Variants in C12orf56 observed in about 807,000 individuals in gnomAD.
The protein encoded by C12orf56 is chromosome 12 open reading frame 56, also known as uncharacterized protein C12orf56.
A neutral mutation model predicts 69.9 loss-of-function variants in C12orf56; 71 were observed. The observed-to-expected ratio is 1.02, with a 90% CI of 0.84 to 1.24. C12orf56 has a LOEUF of 1.24. Among genes scored for constraint, C12orf56 ranks in the 50% most tolerant of loss-of-function variants. The probability of loss-of-function intolerance (pLI) is 0.00; values close to 1 mark genes in which losing one functional copy is unlikely to be tolerated. For missense variants in C12orf56, 732 were observed against 738.5 expected, an observed-to-expected ratio of 0.99 and a Z score of 0.10; for synonymous variants, 276 against 274.1, an observed-to-expected ratio of 1.01 and a Z score of -0.07.
Position 64,340,882 on chromosome 12 carries a change from G to T in C12orf56, c.416-9850C>A, listed in dbSNP as rs1442271006. On this transcript the variant is annotated intron_variant, in intron 2 of 12. Coordinates refer to ENST00000543942, the MANE Select transcript of C12orf56 (RefSeq NM_001170633.2). ...TGACCCAAACCTTCATTCATGAAGG[G>T]TCTGGGTCATTTGTAGTCCTGCCTG... 3.3e-5 allele frequency among the ~76,000 whole-genome samples: 5 copies of T among 152,124 alleles called. No individual in the cohort carries two copies. In the East Asian group the frequency reaches 7.7e-4, roughly 23 times the overall value.
chr12:64,316,919 T>C (rs924629715), intron 4 of C12orf56, among the ~76,000 whole-genome samples: 1 of 152,232 alleles, frequency 6.6e-6, no homozygotes, highest in Admixed American at 6.5e-5. Flanking sequence ...ATCTGAATGC[T>C]CCAACCATGC....
chr12:64,316,487 C>T (rs928582798), intron 4 of C12orf56, among the ~76,000 whole-genome samples: 4 of 152,160 alleles, frequency 2.6e-5, no homozygotes, highest in Non-Finnish European at 4.4e-5. Flanking sequence ...TGGGCTCAAA[C>T]GATCCTGCTG....
intron 4 of C12orf56, among the ~76,000 whole-genome samples, chr12:64,313,686 A>G (rs1340548279): frequency 1.3e-5 from 2 of 151,660 alleles, no homozygotes. Context: ...TATCGCATAT[A>G]TTAATCTGGA....
intron 2 of C12orf56, among the ~76,000 whole-genome samples, chr12:64,350,430 T>G (rs2039207345): frequency 6.6e-6 from 1 of 152,240 alleles, no homozygotes; most frequent in Non-Finnish European, 1.5e-5. Flanking sequence ...AAATCTATTT[T>G]CTTTGCAATA....
chr12:64,276,537 C>G (rs2038053137), intron 9 of C12orf56, among the ~76,000 whole-genome samples: 1 of 152,098 alleles, frequency 6.6e-6, no homozygotes, highest in Admixed American at 6.6e-5. Flanking sequence ...TGGAGACTCT[C>G]TATATACAGT....
At chr12:64,324,045 A>C (rs560464516) in intron 3 of C12orf56, among the ~76,000 whole-genome samples, 2 of 152,228 alleles carry the variant, frequency 1.3e-5, no homozygotes, top group East Asian at 1.9e-4. Context: ...GCAGAAGCTC[A>C]TAAGTCACAT....
chr12:64,303,706 T>A lies in C12orf56; in HGVS notation c.1042A>T (p.Ile348Leu). The change falls in exon 6 of 13, where the codon ATA becomes TTA. Residue 348 changes from isoleucine to leucine, a missense_variant. Ile to Leu is a conservative substitution (Grantham distance 5, BLOSUM62 2). Transcript: ENST00000543942. ...TTAAGTTCCATAAGTAAAGAAAGTA[T>A]CCTCCTCAAAGAATTGTCTTTAAGA... ...LFLKDNSLRR[I>L]LSLLMELKVA... The A allele has an allele frequency of 4.4e-6, 7 of 1,580,114 alleles. No individual in the cohort carries two copies. Among genetic ancestry groups the A allele is most frequent in the Non-Finnish European group, 6.0e-6 (7 of 1,162,800 alleles).
chr12:64,326,749 A>G (rs1285139186), intron 3 of C12orf56, among the ~76,000 whole-genome samples: 1 of 151,756 alleles, frequency 6.6e-6, no homozygotes, highest in Non-Finnish European at 1.5e-5. Context: ...CAAAAAAAAA[A>G]AAAGAAAGAA....
chr12:64,377,372 A>G (rs2039656518), intron 1 of C12orf56, among the ~76,000 whole-genome samples: 1 of 151,836 alleles, frequency 6.6e-6, no homozygotes, highest in Admixed American at 6.6e-5. Flanking sequence ...TATTTTTAGT[A>G]GAGGCGGGGT....
At chr12:64,295,280 G>C (rs974567800) in intron 6 of C12orf56, among the ~76,000 whole-genome samples, 1 of 152,192 alleles carries the variant, frequency 6.6e-6, no homozygotes, top group Non-Finnish European at 1.5e-5. Context: ...CTATGTGGCA[G>C]GTATGCTAGA....
intron 4 of C12orf56, among the ~76,000 whole-genome samples, chr12:64,317,777 G>T (rs146517095): frequency 1.2e-4 from 18 of 151,772 alleles, no homozygotes; most frequent in African/African-American, 2.4e-4. Flanking sequence ...AAAAAAAAAA[G>T]ATTGCATTTC....
rs2038776732 is a variant in C12orf56 at position 64,321,771 on chromosome 12, A to C, written c.489-2791T>G. On this transcript the variant is annotated intron_variant, in intron 3 of 12. Transcript: ENST00000543942. ...AGTCTGCTTTAGCTCAGTTGCATGC[A>C]CTTTGGTATGTATTGGCATTAAGTT... Among the ~76,000 whole-genome samples the C allele has an allele frequency of 3.9e-5, 6 of 152,074 alleles. No homozygotes were observed. The South Asian group carries it at 1.2e-3, about 32-fold the overall frequency.
At chr12:64,285,076 C>A (rs2038181447) in intron 7 of C12orf56, among the ~76,000 whole-genome samples, 2 of 151,828 alleles carry the variant, frequency 1.3e-5, no homozygotes, top group South Asian at 4.1e-4. Flanking sequence ...CATGGCAAAA[C>A]CCCATCTTTA....
At position 64,318,695 on chromosome 12, in the gene C12orf56, A is replaced by C; in HGVS notation, c.774T>G (p.Asp258Glu). Residue 258 changes from aspartate (D) to glutamate (E), a missense_variant, in exon 4 of 13, where the codon GAT (aspartate) becomes GAG (glutamate). Physicochemically the swap from Asp to Glu is conservative, Grantham distance 45 (BLOSUM62 2). Transcript: ENST00000543942. The part of the protein sequence containing the change: ...NEFYLGNSLL[D>E]SPSQSNSNLE... ...AATTTGAGTTGCTCTGTGAAGGGGAATCTAAGAGGGAATTTCCTAAGTAAA... is the reference window on the plus strand; with the variant it reads ...AATTTGAGTTGCTCTGTGAAGGGGACTCTAAGAGGGAATTTCCTAAGTAAA... 6.5e-7 allele frequency: 1 copy of C among 1,537,150 alleles called. No individual in the cohort carries two copies. Among genetic ancestry groups the C allele is most frequent in the Non-Finnish European group, 8.7e-7 (1 of 1,146,832 alleles).
chr12:64,362,838 A>G (rs2039416296), intron 1 of C12orf56, among the ~76,000 whole-genome samples: 1 of 152,120 alleles, frequency 6.6e-6, no homozygotes, highest in African/African-American at 2.4e-5. Flanking sequence ...AATTCCTGGA[A>G]CTGAGGGTTT....
chr12:64,294,277 G>A (rs887488111), intron 6 of C12orf56, among the ~76,000 whole-genome samples: 2 of 152,102 alleles, frequency 1.3e-5, no homozygotes, highest in African/African-American at 4.8e-5. Context: ...CAGTATGGTG[G>A]TTCCTCAAAA....
intron 3 of C12orf56, among the ~76,000 whole-genome samples, chr12:64,322,206 T>A (rs1297014609): frequency 6.6e-6 from 1 of 151,818 alleles, no homozygotes; most frequent in African/African-American, 2.4e-5. Flanking sequence ...GAATACTAGA[T>A]CTTTTTATAC....
At chr12:64,362,271 A>C (rs1355511451) in intron 1 of C12orf56, among the ~76,000 whole-genome samples, 1 of 152,114 alleles carries the variant, frequency 6.6e-6, no homozygotes, top group South Asian at 2.1e-4. Context: ...TTGGCCTAAG[A>C]CTTGCTTTGG....
intron 1 of C12orf56, among the ~76,000 whole-genome samples, chr12:64,370,165 C>T (rs571561639): frequency 2.6e-4 from 40 of 151,386 alleles, no homozygotes; most frequent in Non-Finnish European, 4.9e-4. Flanking sequence ...GCCAACATAG[C>T]AAAACCCTGT....
Sources: gnomAD v4.1 joint callset for allele counts (sites outside exome capture counted in the v4.1 genomes callset) on GRCh38, gnomAD v4.1.1 for gene constraint, MANE v1.5 for transcripts, NCBI Gene and HGNC (gene_info 2026-07-23, HGNC 2026-07-21) for gene names.